The following NSUN2 variants were observed in gnomAD, a reference collection of about 807,000 sequenced individuals.
The protein encoded by NSUN2 is NOP2/Sun RNA methyltransferase 2.
NSUN2 carries 63 observed loss-of-function variants against 92.7 expected under a neutral mutation model. The ratio of observed to expected loss-of-function variants is 0.68; its 90% CI spans 0.56 to 0.84. NSUN2 has a LOEUF of 0.84. Ranked by LOEUF, NSUN2 falls within the 40% of genes least tolerant of loss-of-function variation. The pLI, the probability that NSUN2 is intolerant of heterozygous loss-of-function variation, is 0.00. For synonymous variants in NSUN2, 356 were observed against 348.3 expected (o/e 1.02, Z -0.25); for missense variants, 989 against 964.9 (o/e 1.02, Z -0.33).
At chr5:6,607,070 T>C (rs2126475713) in intron 13 of NSUN2, 130 bp downstream of exon 13, 1 of 1,028,792 alleles carries the variant, frequency 9.7e-7, no homozygotes, top group Non-Finnish European at 1.5e-6. Flanking sequence ...GCCCTCACAC[T>C]GCATGTGCCT....
chr5:6,623,262 A>G lies in NSUN2; in HGVS notation c.489T>C (p.Ala163=). The G allele has an allele frequency of 6.2e-7, 1 of 1,603,934 alleles. No individual in the cohort carries two copies. The highest frequency in any genetic ancestry group is 1.1e-5 in the South Asian group (1 of 88,562). Residue 163 remains alanine (A), a synonymous_variant, in exon 5 of 19, where the codon GCT becomes GCC. Transcript: ENST00000264670. ...GGAGCAGTGGTGGGATCATGCTAAC[A>G]GCTTCTTGACGACTAATATTTCCCT... is the stretch of plus-strand genomic sequence containing the variant. ...TESGNISRQE[A]VSMIPPLLLN...
intron 3 of NSUN2, among the ~76,000 whole-genome samples, chr5:6,626,338 T>A (rs1017092718): frequency 1.3e-5 from 2 of 151,860 alleles, no homozygotes; most frequent in African/African-American, 4.8e-5. Context: ...TTTTTTTATT[T>A]TTTTTAATTA....
In NSUN2 at chr5:6,606,815, C is replaced by T. The variant is rs1736795262; in HGVS notation, c.1601+5G>A. 2 of 1,499,584 alleles carry T rather than the reference C, an allele frequency of 1.3e-6. No individual in the cohort carries two copies. Among genetic ancestry groups the T allele is most frequent in the Non-Finnish European group, 1.9e-6 (2 of 1,079,736 alleles). 92.9% of individuals were successfully genotyped at this position (1,499,584 alleles called of 1,614,324 possible). On this transcript the variant is annotated splice_donor_5th_base_variant and intron_variant, in intron 14 of 18. Coordinates refer to ENST00000264670, the MANE Select transcript of NSUN2 (RefSeq NM_017755.6). ...AATGAATAATTAAAAAGGCTGAATC[C>T]TTACTCAATAGGTGGAAATAATGGG...
intron 3 of NSUN2, among the ~76,000 whole-genome samples, chr5:6,627,236 A>G (rs1737687907): frequency 1.3e-5 from 2 of 152,390 alleles, no homozygotes; most frequent in Admixed American, 1.3e-4. Flanking sequence ...GACTCATTAG[A>G]GGCGAAATAG....
At chr5:6,630,821 G>A (rs757364515) in intron 3 of NSUN2, among the ~76,000 whole-genome samples, 2 of 152,192 alleles carry the variant, frequency 1.3e-5, no homozygotes, top group East Asian at 1.9e-4. Flanking sequence ...TTGGCAGGGC[G>A]CAGTGGCTCA....
intron 3 of NSUN2, among the ~76,000 whole-genome samples, chr5:6,627,797 CA>C (rs1334321674): frequency 6.6e-6 from 1 of 152,174 alleles, no homozygotes; most frequent in East Asian, 1.9e-4. Context: ...GGAACAGCAT[CA>C]TCTTTTTATG....
chr5:6,611,687 C>G, intron 10 of NSUN2, 38 bp downstream of exon 10: 1 of 1,572,620 alleles, frequency 6.4e-7, no homozygotes, highest in Non-Finnish European at 8.8e-7. Context: ...TGATGCTGCA[C>G]CTACTCTTTA....
chr5:6,605,906 A>G (rs6876067), intron 14 of NSUN2, among the ~76,000 whole-genome samples: 89,068 of 151,736 alleles, frequency 0.59, 26,881 homozygotes, highest in Non-Finnish European at 0.67. Flanking sequence ...CATTGGTCAG[A>G]CTGGTCTCAA....
In NSUN2 at chr5:6,620,365, G is replaced by C. The variant is rs563279793; in HGVS notation, c.623-67C>G. On this transcript the variant is annotated intron_variant, in intron 6 of 18. Transcript: ENST00000264670. ...AGTGGAATCACATCCTGAAATATGC[G>C]ACCTCCAAAGGTCAGCCAGTGAGAA... 8 of 1,237,092 alleles carry C rather than the reference G, an allele frequency of 6.5e-6. No individual in the cohort carries two copies. The East Asian group carries it at 1.9e-4, about 29-fold the overall frequency. 76.6% of individuals were successfully genotyped at this position (1,237,092 alleles called of 1,614,324 possible). A position where few individuals can be genotyped will look rare whatever the true frequency, so the allele number is the denominator to read the frequency against.
At chr5:6,624,382 ACG>A (rs1737570616) in intron 4 of NSUN2, among the ~76,000 whole-genome samples, 1 of 152,128 alleles carries the variant, frequency 6.6e-6, no homozygotes, top group Admixed American at 6.5e-5. Flanking sequence ...AGCTCTCATC[ACG>A]CTGACTCCTA....
At chr5:6,607,058 C>T (rs1432106419) in intron 13 of NSUN2, 142 bp downstream of exon 13, 2 of 994,330 alleles carry the variant, frequency 2.0e-6, no homozygotes, top group Non-Finnish European at 3.1e-6. Context: ...CCACAGAGTC[C>T]AGCCCTCACA....
Position 6,632,641 on chromosome 5 carries a change from C to G in NSUN2, c.212G>C (p.Arg71Thr). Residue 71 changes from arginine (R) to threonine (T), a missense_variant, in exon 2 of 19, where the codon AGG becomes ACG. By Grantham distance (71) the Arg-to-Thr change is moderately conservative. Coordinates refer to ENST00000264670, the MANE Select transcript of NSUN2 (RefSeq NM_017755.6). ...TCTTAAAGTGGCCGGGAGCGGCTCC[C>G]TGAGAGCGTCCATGAACTGGCCCCA... ...GEWGQFMDALREPLPATLRIT... is the reference protein window; with the variant it reads ...GEWGQFMDALTEPLPATLRIT... The G allele has an allele frequency of 6.2e-7, 1 of 1,614,240 alleles. No homozygotes were observed. The highest frequency in any genetic ancestry group is 8.5e-7 in the Non-Finnish European group (1 of 1,180,046).
intron 11 of NSUN2, 40 bp downstream of exon 11, chr5:6,610,915 C>T: frequency 1.2e-6 from 2 of 1,611,066 alleles, no homozygotes; most frequent in Non-Finnish European, 1.7e-6. Flanking sequence ...TGGGGCTTAA[C>T]CTTCCCCCCT....
intron 11 of NSUN2, 107 bp from the exon 12 acceptor site, chr5:6,610,029 A>C: frequency 2.7e-6 from 2 of 752,462 alleles, no homozygotes; most frequent in East Asian, 3.0e-5. Context: ...CATGTCTTCG[A>C]CCCTCACTCA....
intron 12 of NSUN2, among the ~76,000 whole-genome samples, chr5:6,608,444 C>T (rs77517759): frequency 1.1e-3 from 166 of 152,364 alleles, no homozygotes; most frequent in Non-Finnish European, 2.0e-3. Flanking sequence ...ACCATGGAGA[C>T]TCTACCTGCG....
At chr5:6,604,413 G>A in intron 16 of NSUN2, 137 bp from the exon 17 acceptor site, 4 of 910,526 alleles carry the variant, frequency 4.4e-6, no homozygotes, top group Non-Finnish European at 4.8e-6. Context: ...GGACAGGTGT[G>A]GAACCCACCC....
At chr5:6,618,127 A>AT in intron 7 of NSUN2, 103 bp from the exon 8 acceptor site, 1 of 729,128 alleles carries the variant, frequency 1.4e-6, no homozygotes, top group South Asian at 1.8e-5. Context: ...AGTGTTACAA[A>AT]TATCAGTTAG....
At chr5:6,619,330 A>T (rs1467197789) in intron 7 of NSUN2, among the ~76,000 whole-genome samples, 1 of 152,230 alleles carries the variant, frequency 6.6e-6, no homozygotes, top group South Asian at 2.1e-4. Flanking sequence ...ACAAAATGGC[A>T]TTCTTCCATA....
At chr5:6,608,740 T>G (rs1423058270) in intron 12 of NSUN2, among the ~76,000 whole-genome samples, 1 of 152,256 alleles carries the variant, frequency 6.6e-6, no homozygotes, top group African/African-American at 2.4e-5. Context: ...GTGACTGCAC[T>G]GTGCTCTGCA....
Sources: allele counts gnomAD v4.1 joint callset (sites outside exome capture counted in the v4.1 genomes callset), GRCh38; gene constraint gnomAD v4.1.1; transcripts MANE v1.5; gene names NCBI Gene and HGNC (gene_info 2026-07-23, HGNC 2026-07-21).